Variants in TTLL3 observed in about 807,000 individuals in gnomAD.
TTLL3 encodes tubulin monoglycylase TTLL3.
TTLL3 carries 63 observed loss-of-function variants against 75.2 expected under a neutral mutation model. The observed-to-expected ratio is 0.84, with a 90% CI of 0.68 to 1.03. The LOEUF (loss-of-function observed/expected upper bound fraction) is 1.03. TTLL3 is among the 50% of genes least tolerant of loss of function. The pLI, the probability that TTLL3 is intolerant of heterozygous loss-of-function variation, is 0.00. For synonymous variants in TTLL3, 393 were observed against 418.5 expected (o/e 0.94, Z 0.74); for missense variants, 997 against 1,069.9 (o/e 0.93, Z 0.95).
intron 11 of TTLL3, among the ~76,000 whole-genome samples, chr3:9,830,422 A>G (rs1242290527): frequency 2.0e-5 from 3 of 152,220 alleles, no homozygotes; most frequent in Admixed American, 6.5e-5. Flanking sequence ...AGTTCTGGAT[A>G]GAATTTCTTG....
chr3:9,813,058 C>G lies in TTLL3; in HGVS notation c.164C>G (p.Pro55Arg). The change falls in exon 3 of 14, where the codon CCC becomes CGC. Residue 55 changes from proline to arginine, a missense_variant. Physicochemically the swap from Pro to Arg is moderately radical, Grantham distance 103 (BLOSUM62 -2). Transcript: ENST00000685419. The stretch of plus-strand genomic sequence containing the variant: ...CGCTCAGGCCCCACCCTGCTGCCAC[C>G]CCAGAAGGATCTGGATAGCTCAGCG... ...VHRSGPTLLPPQKDLDSSAMG... is the reference protein window; with the variant it reads ...VHRSGPTLLPRQKDLDSSAMG... 1 of 1,587,708 alleles carries G rather than the reference C, an allele frequency of 6.3e-7. No homozygotes were observed. The highest frequency in any genetic ancestry group is 8.6e-7 in the Non-Finnish European group (1 of 1,164,772).
At chr3:9,816,004 A>G (rs1175780381) in intron 4 of TTLL3, 70 bp from the exon 5 acceptor site, 4 of 1,280,098 alleles carry the variant, frequency 3.1e-6, no homozygotes, top group East Asian at 5.3e-5. Context: ...TCAGCAGGGC[A>G]GGGAGAGGCT....
chr3:9,821,968 A>T (rs1457808704), intron 8 of TTLL3, among the ~76,000 whole-genome samples: 2 of 142,320 alleles, frequency 1.4e-5, no homozygotes, highest in Non-Finnish European at 3.0e-5. Flanking sequence ...GCGCCACTGT[A>T]CTCCAGCCTG....
intron 4 of TTLL3, 78 bp downstream of exon 4, chr3:9,813,423 C>G (rs2079529704): frequency 1.3e-6 from 2 of 1,507,204 alleles, no homozygotes. Context: ...TGGGTGACCT[C>G]AGACAAGTCC....
intron 8 of TTLL3, among the ~76,000 whole-genome samples, chr3:9,823,325 A>G (rs2080676196): frequency 1.3e-5 from 2 of 151,576 alleles, no homozygotes; most frequent in South Asian, 4.2e-4. Context: ...CGGAGCTTGC[A>G]GTGAGCCGAG....
At chr3:9,821,979 G>T (rs1180039784) in intron 8 of TTLL3, among the ~76,000 whole-genome samples, 10 of 149,396 alleles carry the variant, frequency 6.7e-5, no homozygotes, top group Non-Finnish European at 1.3e-4. Flanking sequence ...CTCCAGCCTG[G>T]GTGACAGAAT....
rs567686911 is a variant in TTLL3, at chr3:9,817,293, G to A, written c.445-352G>A. 4 of 235,358 alleles carry A rather than the reference G, an allele frequency of 1.7e-5. No individual in the cohort carries two copies. In the South Asian group the frequency reaches 6.2e-4, roughly 37 times the overall value. 14.6% of individuals were successfully genotyped at this position (235,358 alleles called of 1,614,324 possible). On this transcript the variant is annotated intron_variant, in intron 5 of 13. Coordinates refer to ENST00000685419, the MANE Select transcript of TTLL3 (RefSeq NM_001387446.1). ...CAACAAATTAGCTGGATGTGGTGTC[G>A]GGCGCCTGTAGTCCCAGCTACTCTG... is the stretch of plus-strand genomic sequence containing the variant.
chr3:9,825,713 G>A (rs763936893), intron 8 of TTLL3, 87 bp from the exon 9 acceptor site: 30 of 1,610,646 alleles, frequency 1.9e-5, no homozygotes, highest in East Asian at 4.5e-5. Context: ...GGATGACGGC[G>A]GGGGATGGTG....
chr3:9,825,191 A>C (rs2080906318), intron 8 of TTLL3, among the ~76,000 whole-genome samples: 1 of 152,130 alleles, frequency 6.6e-6, no homozygotes, highest in Non-Finnish European at 1.5e-5. Context: ...CTCTGCAAAA[A>C]ATAAAAATTA....
chr3:9,834,452 G>C (rs1290081504), intron 12 of TTLL3: 2 of 733,942 alleles, frequency 2.7e-6, no homozygotes, highest in Admixed American at 4.0e-5. Flanking sequence ...GTTTAAGGAA[G>C]TTGCCCAAGG....
intron 9 of TTLL3, 111 bp from the exon 10 acceptor site, chr3:9,826,886 C>T: frequency 6.5e-7 from 1 of 1,542,532 alleles, no homozygotes; most frequent in African/African-American, 1.4e-5. Flanking sequence ...GGGAGACAGC[C>T]TTACCCACTC....
chr3:9,827,597 C>T (rs1284261804), intron 10 of TTLL3: 2 of 268,274 alleles, frequency 7.5e-6, no homozygotes, highest in Admixed American at 9.8e-5. Context: ...TGGGGTCTCA[C>T]TATGTTGCCC....
In TTLL3 at chr3:9,824,347, G is replaced by A. The variant is rs971204785; in HGVS notation, c.855-1453G>A. 4.6e-5 allele frequency among the ~76,000 whole-genome samples: 7 copies of A among 152,212 alleles called. No individual in the cohort carries two copies. The South Asian group carries it at 6.2e-4, about 13-fold the overall frequency. On this transcript the variant is annotated intron_variant, in intron 8 of 13. Transcript: ENST00000685419. ...TCAGACAGGACAGAGTTTGAATCCT[G>A]GCTGAACCACTCAACTTTCAGTGTA...
rs2079247322 is a variant in TTLL3, at chr3:9,810,530, G to A, written c.-41-91G>A. 3.4e-6 allele frequency: 5 copies of A among 1,477,542 alleles called. No homozygotes were observed. Among genetic ancestry groups the A allele is most frequent in the Non-Finnish European group, 4.5e-6 (5 of 1,110,934 alleles). The allele number at this position is 1,477,542 out of a possible 1,614,324, so 91.5% of individuals were successfully genotyped here. A position where few individuals can be genotyped will look rare whatever the true frequency, so the allele number is the denominator to read the frequency against. On this transcript the variant is annotated intron_variant, in intron 1 of 13. Transcript: ENST00000685419. The surrounding 1 kb of genome is among the most constrained non-coding windows in gnomAD (Gnocchi z 4.4). ...GGATGAAGGCAGGAGGAAGAAAAGA[G>A]GCGTGGCTATGGGCGGCCAGAAAAG...
intron 12 of TTLL3, among the ~76,000 whole-genome samples, chr3:9,833,623 C>A (rs1446278321): frequency 1.3e-5 from 2 of 152,176 alleles, no homozygotes; most frequent in African/African-American, 4.8e-5. Context: ...GGATCAGCCA[C>A]CCCACCAAAG....
chr3:9,823,402 G>GTTT (rs60013146), intron 8 of TTLL3, among the ~76,000 whole-genome samples: 22 of 124,978 alleles, frequency 1.8e-4, no homozygotes, highest in Admixed American at 3.3e-4. Flanking sequence ...CAAACAGCCA[G>GTTT]TTTTTTTTTT....
At chr3:9,819,441 T>G in intron 7 of TTLL3, 1 of 956,816 alleles carries the variant, frequency 1.0e-6, no homozygotes, top group Non-Finnish European at 1.3e-6. Flanking sequence ...GCCTGGCATG[T>G]AGCCGAGCAC....
At chr3:9,830,951 T>C (rs1157640739) in intron 11 of TTLL3, among the ~76,000 whole-genome samples, 2 of 152,088 alleles carry the variant, frequency 1.3e-5, no homozygotes, top group Admixed American at 6.5e-5. Flanking sequence ...TACAGGTGCC[T>C]GCCACCATGC....
At chr3:9,814,605 G>A (rs531038290) in intron 4 of TTLL3, among the ~76,000 whole-genome samples, 41 of 151,932 alleles carry the variant, frequency 2.7e-4, no homozygotes, top group Non-Finnish European at 5.3e-4. Context: ...CTGAGATCGC[G>A]CCACTGCACT....
Sources: gnomAD v4.1 joint callset for allele counts (sites outside exome capture counted in the v4.1 genomes callset) on GRCh38, gnomAD v4.1.1 for gene constraint, Gnocchi (gnomAD v3.1) non-coding constraint, MANE v1.5 for transcripts, NCBI Gene and HGNC (gene_info 2026-07-23, HGNC 2026-07-21) for gene names.